Variants in EDN2 observed in about 807,000 individuals in gnomAD.
The protein encoded by EDN2 is endothelin 2.
Under a neutral mutation model 19.9 loss-of-function variants are expected in EDN2, and 10 were observed. That is an observed-to-expected ratio of 0.50 (90% CI 0.31 to 0.85). EDN2 has a LOEUF of 0.85. Among genes scored for constraint, EDN2 ranks in the 40% least tolerant of loss-of-function variants. The pLI is 0.05. For missense variants in EDN2, 222 were observed against 239.3 expected, an observed-to-expected ratio of 0.93 and a Z score of 0.48; for synonymous variants, 84 against 94.9, an observed-to-expected ratio of 0.89 and a Z score of 0.67.
At position 41,479,253 on chromosome 1, in the gene EDN2, C is replaced by T; in HGVS notation, c.*156G>A. ...AGAACTGCCTTGGACGAGGCTCCCT[C>T]ACCAGGGAGCTTGTGCCAATCCTGG... On this transcript the variant is annotated 3_prime_UTR_variant, in exon 5 of 5. Coordinates refer to ENST00000372587, the MANE Select transcript of EDN2 (RefSeq NM_001956.5). 1.4e-6 allele frequency: 1 copy of T among 730,118 alleles called. No individual in the cohort carries two copies. The highest frequency in any genetic ancestry group is 2.4e-6 in the Non-Finnish European group (1 of 409,898). 45.2% of individuals were successfully genotyped at this position (730,118 alleles called of 1,614,324 possible). A position where few individuals can be genotyped will look rare whatever the true frequency, so the allele number is the denominator to read the frequency against.
chr1:41,480,777 A>G (rs140102527), intron 4 of EDN2: 11 of 532,700 alleles, frequency 2.1e-5, no homozygotes, highest in Middle Eastern at 5.7e-4. Context: ...TCTGGACCCC[A>G]GCATGTGTGA....
At chr1:41,480,547 G>A (rs945932845) in intron 4 of EDN2, among the ~76,000 whole-genome samples, 3 of 152,262 alleles carry the variant, frequency 2.0e-5, no homozygotes, top group African/African-American at 7.2e-5. Flanking sequence ...CACAAAGCTT[G>A]TACCAGGCTG....
At chr1:41,483,985 A>G in intron 2 of EDN2, 62 bp downstream of exon 2, 1 of 1,508,878 alleles carries the variant, frequency 6.6e-7, no homozygotes, top group Non-Finnish European at 9.0e-7. Context: ...GCATGCCAGT[A>G]GCTTCCACCC....
chr1:41,484,550 C>A lies in EDN2; in HGVS notation c.52G>T (p.Ala18Ser). Residue 18 changes from alanine to serine, a missense_variant, in exon 1 of 5, where the codon GCC becomes TCC. Coordinates refer to ENST00000372587, the MANE Select transcript of EDN2 (RefSeq NM_001956.5). Reference protein sequence around the residue: ...WCSVALALLVALHEGKGQAAA... With the variant: ...WCSVALALLVSLHEGKGQAAA... Reference sequence around the variant, plus strand: ...CAGGGCAGCTCACCTTCATGCAGGGCCACGAGCAGGGCTAGCGCAACGGAG... The same window carrying A: ...CAGGGCAGCTCACCTTCATGCAGGGACACGAGCAGGGCTAGCGCAACGGAG... The A allele has an allele frequency of 6.4e-7, 1 of 1,556,482 alleles. No homozygotes were observed. Among genetic ancestry groups the A allele is most frequent in the Non-Finnish European group, 8.7e-7 (1 of 1,150,014 alleles).
rs1273662999 is a variant in EDN2, at chr1:41,482,655, A to G, written c.222-67T>C. The G allele has an allele frequency of 2.7e-6, 4 of 1,487,530 alleles. No individual in the cohort carries two copies. In the South Asian group the frequency reaches 5.4e-5, roughly 20 times the overall value. 92.1% of individuals were successfully genotyped at this position (1,487,530 alleles called of 1,614,324 possible). A position where few individuals can be genotyped will look rare whatever the true frequency, so the allele number is the denominator to read the frequency against. ...AGAAAGAGAGAGAGAGAAAAAAATA[A>G]AGAGAGAGAGGATTAAATAAACCAC... On this transcript the variant is annotated intron_variant, in intron 2 of 4. Coordinates refer to ENST00000372587, the MANE Select transcript of EDN2 (RefSeq NM_001956.5).
In EDN2 at chr1:41,479,208, C is replaced by T; in HGVS notation, c.*201G>A. ...CCGCAGTCTGGAGGCCGAGGGCTTC[C>T]CTGGGCAGTGCGAGGACACAGAACT... is the stretch of plus-strand genomic sequence containing the variant. On this transcript the variant is annotated 3_prime_UTR_variant, in exon 5 of 5. Transcript: ENST00000372587. The T allele has an allele frequency of 1.5e-6, 1 of 680,288 alleles. No individual in the cohort carries two copies. Among genetic ancestry groups the T allele is most frequent in the Non-Finnish European group, 2.7e-6 (1 of 370,464 alleles). The allele number at this position is 680,288 out of a possible 1,614,324, so 42.1% of individuals were successfully genotyped here. A position where few individuals can be genotyped will look rare whatever the true frequency, so the allele number is the denominator to read the frequency against.
intron 2 of EDN2, 61 bp downstream of exon 2, chr1:41,483,984 TAG>T: frequency 6.6e-7 from 1 of 1,507,842 alleles, no homozygotes; most frequent in South Asian, 1.3e-5. Flanking sequence ...AGCATGCCAG[TAG>T]CTTCCACCCT....
rs1365023065 is a variant in EDN2, at chr1:41,484,107, C to T, written c.161G>A (p.Trp54Ter). 1 of 1,613,732 alleles carries T rather than the reference C, an allele frequency of 6.2e-7. No homozygotes were observed. Among genetic ancestry groups the T allele is most frequent in the East Asian group, 2.2e-5 (1 of 44,870 alleles). The change falls in exon 2 of 5, where the codon TGG (tryptophan) becomes TAG (stop). Residue 54 changes from tryptophan to a stop codon, truncating the protein, a stop_gained. Transcript: ENST00000372587. LOFTEE classifies it high-confidence loss of function. ...LRLRRCSCSSWLDKECVYFCH... is the reference protein window; with the variant it reads ...LRLRRCSCSS The stretch of plus-strand genomic sequence containing the variant: ...GAAGTAGACGCACTCCTTGTCGAGC[C>T]AGGAGCTGCAGGAGCAACGGCGAAG...
chr1:41,481,307 C>A, intron 3 of EDN2, 114 bp from the exon 4 acceptor site: 2 of 774,072 alleles, frequency 2.6e-6, no homozygotes, highest in Non-Finnish European at 2.1e-6. Context: ...CCTGCGGGAG[C>A]AGATCCATTT....
chr1:41,484,301 C>A lies in EDN2; in HGVS notation c.65-98G>T. 1.9e-5 allele frequency: 28 copies of A among 1,459,540 alleles called. 1 individual carries two copies. The South Asian group carries it at 3.6e-4, about 19-fold the overall frequency. 90.4% of individuals were successfully genotyped at this position (1,459,540 alleles called of 1,614,324 possible). A position where few individuals can be genotyped will look rare whatever the true frequency, so the allele number is the denominator to read the frequency against. On this transcript the variant is annotated intron_variant, in intron 1 of 4. Transcript: ENST00000372587. ...CACCATGCCCCTCCTCTTGCATAAT[C>A]GAGGGAGTTGGCACTCTTGCTGCTC...
At chr1:41,480,370 CT>C (rs1420320923) in intron 4 of EDN2, among the ~76,000 whole-genome samples, 3 of 152,192 alleles carry the variant, frequency 2.0e-5, no homozygotes, top group African/African-American at 4.8e-5. Flanking sequence ...TGGCAAACCC[CT>C]CCACAGCTCC....
rs199901591 is a variant in EDN2 at position 41,481,202 on chromosome 1, A to C, written c.345-9T>G. 87 of 1,612,732 alleles carry C rather than the reference A, an allele frequency of 5.4e-5. No homozygotes were observed. The highest frequency in any genetic ancestry group is 1.6e-4 in the Middle Eastern group (1 of 6,074). ...CTGCCCCGGCTTCAGTCCTACGTGA[A>C]TAGCATTAGGGCCCAAGTGATGGAC... On this transcript the variant is annotated splice_polypyrimidine_tract_variant and intron_variant, in intron 3 of 4. Coordinates refer to ENST00000372587, the MANE Select transcript of EDN2 (RefSeq NM_001956.5).
At position 41,482,497 on chromosome 1, in the gene EDN2, C is replaced by T. The variant is rs201905094; in HGVS notation, c.313G>A (p.Ala105Thr). 1.2e-4 allele frequency: 195 copies of T among 1,600,690 alleles called. No homozygotes were observed. The highest frequency in any genetic ancestry group is 9.0e-4 in the Admixed American group (53 of 58,884). Residue 105 changes from alanine to threonine, a missense_variant, in exon 3 of 5, where the codon GCC becomes ACC. Coordinates refer to ENST00000372587, the MANE Select transcript of EDN2 (RefSeq NM_001956.5). ...CTTCGAAGGCAGAAGGTGGCACAGGCGGGGTCCCTGGCACTGGAGCACTGA... is the reference window on the plus strand; with the variant it reads ...CTTCGAAGGCAGAAGGTGGCACAGGTGGGGTCCCTGGCACTGGAGCACTGA... ...RCQCSSARDP[A>T]CATFCLRRPW...
At chr1:41,483,148 G>C (rs1309153751) in intron 2 of EDN2, 1 of 147,586 alleles carries the variant, frequency 6.8e-6, no homozygotes, top group East Asian at 2.1e-4. Flanking sequence ...TGTGTGTTCA[G>C]ATGGGATTAA....
chr1:41,480,707 G>A (rs750128423), intron 4 of EDN2: 1 of 468,634 alleles, frequency 2.1e-6, no homozygotes, highest in South Asian at 1.5e-5. Flanking sequence ...TCACACTGAG[G>A]CACCAGGGAG....
intron 4 of EDN2, among the ~76,000 whole-genome samples, 183 bp from the exon 5 acceptor site, chr1:41,479,685 G>A (rs1644230895): frequency 6.6e-6 from 1 of 152,230 alleles, no homozygotes; most frequent in South Asian, 2.1e-4. Context: ...GGCCAGCCCA[G>A]GCGTTGAAGC....
intron 3 of EDN2, among the ~76,000 whole-genome samples, chr1:41,481,506 G>C (rs1402871646): frequency 1.3e-5 from 2 of 151,362 alleles, no homozygotes; most frequent in African/African-American, 2.4e-5. Flanking sequence ...CAGAGGAGGA[G>C]TTTCTCGTAA....
rs1569577454 is a variant in EDN2, at chr1:41,479,114, A to G, written c.*295T>C. On this transcript the variant is annotated 3_prime_UTR_variant, in exon 5 of 5. Transcript: ENST00000372587. ...GGACACTCCTCAGGACGCAGCCTCC[A>G]GATGAATGTACTCCCCATGCAGTTC... is the stretch of plus-strand genomic sequence containing the variant. The G allele has an allele frequency of 2.1e-6, 1 of 476,062 alleles. No homozygotes were observed. Among genetic ancestry groups the G allele is most frequent in the Non-Finnish European group, 4.0e-6 (1 of 251,820 alleles). The allele number at this position is 476,062 out of a possible 1,614,324, so 29.5% of individuals were successfully genotyped here. A position where few individuals can be genotyped will look rare whatever the true frequency, so the allele number is the denominator to read the frequency against.
intron 4 of EDN2, among the ~76,000 whole-genome samples, chr1:41,480,311 C>T (rs573222112): frequency 1.3e-5 from 2 of 152,178 alleles, no homozygotes; most frequent in Admixed American, 6.5e-5. Flanking sequence ...CTGAGCTGGG[C>T]CCTGGGACCT....
Sources: gnomAD v4.1 joint callset for allele counts (sites outside exome capture counted in the v4.1 genomes callset) on GRCh38, gnomAD v4.1.1 for gene constraint, MANE v1.5 for transcripts, NCBI Gene and HGNC (gene_info 2026-07-23, HGNC 2026-07-21) for gene names.